The following STT3B variants were observed in gnomAD, a reference collection of about 807,000 sequenced individuals.
The protein encoded by STT3B is dolichyl-diphosphooligosaccharide--protein glycosyltransferase subunit STT3B.
Under a neutral mutation model 96.8 loss-of-function variants are expected in STT3B, and 29 were observed. That is an observed-to-expected ratio of 0.30 (90% CI 0.22 to 0.41). The LOEUF (loss-of-function observed/expected upper bound fraction) is 0.41, where lower values mean the gene tolerates loss of function less well. Among genes scored for constraint, STT3B ranks in the 10% least tolerant of loss-of-function variants. The pLI is 1.00. For synonymous variants in STT3B, 367 were observed against 360.0 expected (o/e 1.02, Z -0.22); for missense variants, 640 against 1,022.3 (o/e 0.63, Z 5.10).
At chr3:31,577,174 C>G (rs1177537721) in intron 2 of STT3B, among the ~76,000 whole-genome samples, 1 of 152,000 alleles carries the variant, frequency 6.6e-6, no homozygotes, top group Non-Finnish European at 1.5e-5. Context: ...TTGATTACTT[C>G]TAGCATAGGT....
At chr3:31,599,673 A>ATT (rs970816525) in intron 4 of STT3B, among the ~76,000 whole-genome samples, 2 of 152,338 alleles carry the variant, frequency 1.3e-5, no homozygotes, top group African/African-American at 4.8e-5. Context: ...ATTACCTATT[A>ATT]TTTAGTGTAC....
chr3:31,542,500 ACTGT>A (rs1231989885), intron 1 of STT3B, among the ~76,000 whole-genome samples: 2 of 152,164 alleles, frequency 1.3e-5, no homozygotes, highest in Admixed American at 1.3e-4. Flanking sequence ...TAAATCTAGG[ACTGT>A]CTTTCTTCAA....
chr3:31,546,707 T>G (rs913643899), intron 1 of STT3B, among the ~76,000 whole-genome samples: 2 of 152,220 alleles, frequency 1.3e-5, no homozygotes, highest in East Asian at 1.9e-4. Context: ...TCCCAAAGTT[T>G]TAGACTGGGT....
intron 1 of STT3B, among the ~76,000 whole-genome samples, chr3:31,550,392 G>A (rs1697523142): frequency 6.6e-6 from 1 of 152,142 alleles, no homozygotes; most frequent in African/African-American, 2.4e-5. Context: ...GTTATCTGAA[G>A]CTTATGACAT....
intron 5 of STT3B, among the ~76,000 whole-genome samples, chr3:31,601,978 G>A (rs955828477): frequency 2.0e-5 from 3 of 152,098 alleles, no homozygotes; most frequent in African/African-American, 4.8e-5. Flanking sequence ...CCTGTAATGA[G>A]CCAGCTGTAG....
chr3:31,630,602 TA>T (rs1364049025), intron 14 of STT3B, among the ~76,000 whole-genome samples: 1 of 152,228 alleles, frequency 6.6e-6, no homozygotes. Flanking sequence ...CCCAAATTTT[TA>T]TCTTCATACT....
chr3:31,606,027 A>G (rs1476558912), intron 5 of STT3B, among the ~76,000 whole-genome samples: 1 of 152,188 alleles, frequency 6.6e-6, no homozygotes, highest in African/African-American at 2.4e-5. Flanking sequence ...GATGGGTGGC[A>G]TTTTGCCCCT....
intron 1 of STT3B, among the ~76,000 whole-genome samples, chr3:31,542,991 G>A (rs938493825): frequency 4.7e-5 from 7 of 150,360 alleles, no homozygotes; most frequent in African/African-American, 9.8e-5. Flanking sequence ...GTTTGAGCCC[G>A]GGTGGCAGAG....
rs1698349021 is a variant in STT3B, at chr3:31,580,035, C to G, written c.650C>G (p.Ala217Gly). 6.2e-7 allele frequency: 1 copy of G among 1,613,794 alleles called. No homozygotes were observed. Among genetic ancestry groups the G allele is most frequent in the Non-Finnish European group, 8.5e-7 (1 of 1,179,768 alleles). Residue 217 changes from alanine (A) to glycine (G), a missense_variant, in exon 3 of 16, where the codon GCT becomes GGT. Around this residue, in one of 8 missense-constraint regions of STT3B, gnomAD observed 267 missense variants for 388.3 expected, o/e 0.69. Transcript: ENST00000295770. ...IVPGYISRSV[A>G]GSFDNEGIAI... is the part of the protein sequence containing the mutation. ...CCAGGCTACATATCTCGGTCAGTAG[C>G]TGGATCCTTTGATAATGAAGGCATT...
intron 12 of STT3B, among the ~76,000 whole-genome samples, chr3:31,625,514 G>T (rs1353133753): frequency 2.0e-5 from 3 of 152,178 alleles, no homozygotes; most frequent in Admixed American, 6.5e-5. Context: ...GTACTTCAAA[G>T]ATTTTTAAAT....
rs1699751156 is a variant in STT3B at position 31,636,146 on chromosome 3, G to C, written c.*82G>C. ...CCTTTAGCTCATGTCGTGTTTCACA[G>C]CAAAGAGGGTACAGAACCATCACTG... On this transcript the variant is annotated 3_prime_UTR_variant, in exon 16 of 16. Transcript: ENST00000295770. 3 of 1,089,862 alleles carry C rather than the reference G, an allele frequency of 2.8e-6. No homozygotes were observed. The highest frequency in any genetic ancestry group is 4.0e-6 in the Non-Finnish European group (3 of 757,558). The allele number at this position is 1,089,862 out of a possible 1,614,324, so 67.5% of individuals were successfully genotyped here.
intron 3 of STT3B, among the ~76,000 whole-genome samples, chr3:31,587,378 G>A (rs540185386): frequency 1.2e-3 from 183 of 151,956 alleles, no homozygotes; most frequent in Non-Finnish European, 1.8e-3. Flanking sequence ...CCATATAAAA[G>A]GAATTATATA....
At chr3:31,557,331 A>G (rs1302666230) in intron 1 of STT3B, among the ~76,000 whole-genome samples, 1 of 152,128 alleles carries the variant, frequency 6.6e-6, no homozygotes. Context: ...CTTTTTGCTC[A>G]TGGTTGCTTT....
rs1699770910 is a variant in STT3B at position 31,637,295 on chromosome 3, C to T, written c.*1231C>T. The T allele has an allele frequency of 6.6e-6, 1 of 152,112 alleles. No individual in the cohort carries two copies. Among genetic ancestry groups the T allele is most frequent in the Non-Finnish European group, 1.5e-5 (1 of 67,996 alleles). The allele number at this position is 152,112 out of a possible 1,614,324, so 9.4% of individuals were successfully genotyped here. A position where few individuals can be genotyped will look rare whatever the true frequency, so the allele number is the denominator to read the frequency against. ...TTTTTATATAACAAGCATAACACAC[C>T]ACTGCTTTTGGTGGAAAAGTGCAGA... On this transcript the variant is annotated 3_prime_UTR_variant, in exon 16 of 16. Coordinates refer to ENST00000295770, the MANE Select transcript of STT3B (RefSeq NM_178862.3).
rs1003531851 is a variant in STT3B at position 31,565,073 on chromosome 3, T to C, written c.315-11323T>C. ...GTCTTCTTTCCTTCCTTGCATTCTC[T>C]CATTCTTTCTTTTTCATGAGAAATT... On this transcript the variant is annotated intron_variant, in intron 1 of 15. Coordinates refer to ENST00000295770, the MANE Select transcript of STT3B (RefSeq NM_178862.3). 2.6e-5 allele frequency among the ~76,000 whole-genome samples: 4 copies of C among 152,352 alleles called. No homozygotes were observed. In the East Asian group the frequency reaches 7.7e-4, roughly 29 times the overall value.
chr3:31,633,269 T>C, intron 15 of STT3B, 122 bp downstream of exon 15: 1 of 843,472 alleles, frequency 1.2e-6, no homozygotes, highest in Non-Finnish European at 1.8e-6. Flanking sequence ...GGCTTCTATA[T>C]TAATACGAAG....
At chr3:31,564,755 G>A (rs1416481292) in intron 1 of STT3B, among the ~76,000 whole-genome samples, 14 of 152,078 alleles carry the variant, frequency 9.2e-5, no homozygotes. Context: ...TCAGGGTTAC[G>A]TATAAAGGAA....
At chr3:31,628,777 G>A (rs1167012742) in intron 13 of STT3B, among the ~76,000 whole-genome samples, 1 of 152,158 alleles carries the variant, frequency 6.6e-6, no homozygotes, top group African/African-American at 2.4e-5. Flanking sequence ...GAGAGAGCCA[G>A]CCTTACCTGG....
At chr3:31,597,014 G>A in intron 4 of STT3B, 151 bp downstream of exon 4, 1 of 567,010 alleles carries the variant, frequency 1.8e-6, no homozygotes. Flanking sequence ...CACAGGTCCT[G>A]TATACACCTG....
Sources: gnomAD v4.1 joint callset for allele counts (sites outside exome capture counted in the v4.1 genomes callset) on GRCh38, gnomAD v4.1.1 for gene constraint, gnomAD v4.1.1 regional missense constraint, MANE v1.5 for transcripts, NCBI Gene and HGNC (gene_info 2026-07-23, HGNC 2026-07-21) for gene names.